The following PALB2 variants were observed in gnomAD, a reference collection of about 807,000 sequenced individuals.
PALB2 encodes mutant partner and localizer of BRCA2.
A neutral mutation model predicts 107.4 loss-of-function variants in PALB2; 82 were observed. The ratio of observed to expected loss-of-function variants is 0.76; its 90% CI spans 0.64 to 0.92. The LOEUF (loss-of-function observed/expected upper bound fraction) is 0.92. Ranked by LOEUF, PALB2 falls within the 40% of genes least tolerant of loss-of-function variation. The pLI is 0.00. For missense variants in PALB2, 1,374 were observed against 1,379.9 expected, an observed-to-expected ratio of 1.00 and a Z score of 0.07; for synonymous variants, 489 against 496.8, an observed-to-expected ratio of 0.98 and a Z score of 0.21.
intron 10 of PALB2, among the ~76,000 whole-genome samples, chr16:23,614,767 C>T (rs1597074053): frequency 6.8e-6 from 1 of 147,634 alleles, no homozygotes; most frequent in Non-Finnish European, 1.5e-5. Context: ...TCTCCTGCCT[C>T]AGCCTCCCGA....
chr16:23,639,887 T>C (rs1967171658), intron 1 of PALB2, among the ~76,000 whole-genome samples: 1 of 151,966 alleles, frequency 6.6e-6, no homozygotes, highest in African/African-American at 2.4e-5. Flanking sequence ...CGTAAGGAAT[T>C]TTCTTTTTTT....
Position 23,630,234 on chromosome 16 carries a change from T to A in PALB2, c.1920A>T (p.Ser640=), listed in dbSNP as rs375575311. The change falls in exon 5 of 13, where the codon TCA becomes TCT. Residue 640 remains serine (S), a synonymous_variant. Transcript: ENST00000261584. Reference sequence around the variant, plus strand: ...TAAGATGTCTCTCTCCAAACATTTTTGACTCAAAGGGCTCCACTGGTTTTT... The same window carrying A: ...TAAGATGTCTCTCTCCAAACATTTTAGACTCAAAGGGCTCCACTGGTTTTT... ...CSEKPVEPFE[S]KMFGERHLKE... is the part of the protein sequence containing the mutation. 8 of 1,614,202 alleles carry A rather than the reference T, an allele frequency of 5.0e-6. No individual in the cohort carries two copies. The highest frequency in any genetic ancestry group is 5.9e-6 in the Non-Finnish European group (7 of 1,180,028).
intron 9 of PALB2, 76 bp downstream of exon 9, chr16:23,622,893 T>C: frequency 6.4e-7 from 1 of 1,558,866 alleles, no homozygotes. Context: ...AGATCCTAGT[T>C]ACCCAACTTT....
chr16:23,622,025 T>C (rs1320742937), intron 9 of PALB2, among the ~76,000 whole-genome samples: 1 of 152,186 alleles, frequency 6.6e-6, no homozygotes, highest in East Asian at 1.9e-4. Context: ...CAAACAATTA[T>C]CATCTCTTGC....
Position 23,641,171 on chromosome 16 carries a change from G to A in PALB2, c.-14C>T, listed in dbSNP as rs1967237740. Reference sequence around the variant, plus strand: ...AGGCTCGTCCATCGGGCAGGCGACAGAACGAAAAGAGCAGCCGTCGCCGAC... The same window carrying A: ...AGGCTCGTCCATCGGGCAGGCGACAAAACGAAAAGAGCAGCCGTCGCCGAC... On this transcript the variant is annotated 5_prime_UTR_variant, in exon 1 of 13. Transcript: ENST00000261584. The A allele has an allele frequency of 1.9e-6, 3 of 1,612,142 alleles. No homozygotes were observed. Among genetic ancestry groups the A allele is most frequent in the African/African-American group, 1.3e-5 (1 of 75,016 alleles).
chr16:23,612,775 C>CG (rs1966610508), intron 11 of PALB2, among the ~76,000 whole-genome samples: 1 of 151,378 alleles, frequency 6.6e-6, no homozygotes, highest in African/African-American at 2.4e-5. Flanking sequence ...TTTTTTGAGA[C>CG]GGAGTCTCGC....
rs765854776 is a variant in PALB2 at position 23,629,919 on chromosome 16, T to C, written c.2235A>G (p.Lys745=). 3 of 1,614,078 alleles carry C rather than the reference T, an allele frequency of 1.9e-6. No homozygotes were observed. Among genetic ancestry groups the C allele is most frequent in the Non-Finnish European group, 2.5e-6 (3 of 1,180,046 alleles). Residue 745 remains lysine, a synonymous_variant, in exon 5 of 13, where the codon AAA becomes AAG. Coordinates refer to ENST00000261584, the MANE Select transcript of PALB2 (RefSeq NM_024675.4). The stretch of plus-strand genomic sequence containing the variant: ...TTCGTCCAGCAACTTCTGTAGATGC[T>C]TTTTCATAGGAGCCTTGAGGGCCAA... The part of the protein sequence containing the change: ...PAFGPQGSYE[K]ASTEVAGRTC...
chr16:23,623,174 C>G, intron 8 of PALB2, 44 bp from the exon 9 acceptor site: 1 of 1,475,422 alleles, frequency 6.8e-7, no homozygotes, highest in Non-Finnish European at 9.4e-7. Flanking sequence ...GAGGAGTAAC[C>G]TTTTAATATT....
rs876658885 is a variant in PALB2 at position 23,629,673 on chromosome 16, T to A, written c.2481A>T (p.Thr827=). The change falls in exon 5 of 13, where the codon ACA becomes ACT. Residue 827 remains threonine (T), a synonymous_variant. Coordinates refer to ENST00000261584, the MANE Select transcript of PALB2 (RefSeq NM_024675.4). ...CGGAATGTTTATGCAGCTCCTGGCA[T>A]GTGTTTCTACAGAGCTGATTTTCTT... The part of the protein sequence containing the change: ...TFKENQLCRN[T]CQELHKHSVE... 2 of 1,614,206 alleles carry A rather than the reference T, an allele frequency of 1.2e-6. No individual in the cohort carries two copies. Among genetic ancestry groups the A allele is most frequent in the Non-Finnish European group, 8.5e-7 (1 of 1,180,034 alleles).
rs180177100 is a variant in PALB2 at position 23,635,306 on chromosome 16, G to C, written c.1240C>G (p.Arg414Gly). The stretch of plus-strand genomic sequence containing the variant: ...TTCCTCTGGCAATTGGACATGCTTC[G>C]TGTTGTTCTAACATAATATTCTGCA... ...FPAEYYVRTT[R>G]SMSNCQRKVA... Residue 414 changes from arginine (R) to glycine (G), a missense_variant, in exon 4 of 13, where the codon CGA becomes GGA. Transcript: ENST00000261584. 6.2e-7 allele frequency: 1 copy of C among 1,614,030 alleles called. No homozygotes were observed.
chr16:23,630,517 C>T (rs1278885504), intron 4 of PALB2, 48 bp from the exon 5 acceptor site: 1 of 1,417,732 alleles, frequency 7.1e-7, no homozygotes, highest in Non-Finnish European at 9.8e-7. Context: ...CCCAACAAAA[C>T]AGACAATCTG....
At chr16:23,625,239 A>C (rs1175008913) in intron 7 of PALB2, among the ~76,000 whole-genome samples, 1 of 152,148 alleles carries the variant, frequency 6.6e-6, no homozygotes, top group Non-Finnish European at 1.5e-5. Context: ...AGGCTGAGGC[A>C]GGAGAATTGC....
At chr16:23,627,522 AAT>A (rs1966847655) in intron 6 of PALB2, among the ~76,000 whole-genome samples, 1 of 151,792 alleles carries the variant, frequency 6.6e-6, no homozygotes, top group African/African-American at 2.4e-5. Context: ...GAAAAATCAT[AAT>A]CACAAAGGCA....
rs764669864 is a variant in PALB2, at chr16:23,621,450, G to A, written c.3025C>T (p.Pro1009Ser). ...GCAAAAGTTAGTATAGTCTCCTCAG[G>A]GGGCATCAAAAATTGGTTTTCTTTG... ...GGKENQFLMP[P>S]EETILTFAEV... The change falls in exon 10 of 13, where the codon CCT becomes TCT. Residue 1009 changes from proline (P) to serine (S), a missense_variant. By Grantham distance (74) the Pro-to-Ser change is moderately conservative (BLOSUM62 -1). Transcript: ENST00000261584. 22 of 1,613,812 alleles carry A rather than the reference G, an allele frequency of 1.4e-5. No individual in the cohort carries two copies. The highest frequency in any genetic ancestry group is 1.7e-5 in the Non-Finnish European group (20 of 1,179,924).
At position 23,626,259 on chromosome 16, in the gene PALB2, G is replaced by C. The variant is rs1060502739; in HGVS notation, c.2725C>G (p.Leu909Val). 2 of 1,614,038 alleles carry C rather than the reference G, an allele frequency of 1.2e-6. No homozygotes were observed. Among genetic ancestry groups the C allele is most frequent in the Non-Finnish European group, 1.7e-6 (2 of 1,180,028 alleles). ...ACCTCTGCGAAGTGCCAGGTATAAA[G>C]TTTTTCCCACTGCCAAGCATCCAGA... Reference protein sequence around the residue: ...KALDAWQWEKLYTWHFAEVPV... With the variant: ...KALDAWQWEKVYTWHFAEVPV... Residue 909 changes from leucine to valine, a missense_variant, in exon 7 of 13, where the codon CTT becomes GTT. Physicochemically the swap from Leu to Val is conservative, Grantham distance 32. Coordinates refer to ENST00000261584, the MANE Select transcript of PALB2 (RefSeq NM_024675.4).
At chr16:23,639,140 G>C (rs1212611256) in intron 1 of PALB2, among the ~76,000 whole-genome samples, 1 of 152,070 alleles carries the variant, frequency 6.6e-6, no homozygotes, top group African/African-American at 2.4e-5. Context: ...GCCAGCCTCG[G>C]TTTTTCTGCT....
rs1966855329 is a variant in PALB2 at position 23,629,635 on chromosome 16, T to C, written c.2514+5A>G. On this transcript the variant is annotated splice_donor_5th_base_variant and intron_variant, in intron 5 of 12. Transcript: ENST00000261584. The stretch of plus-strand genomic sequence containing the variant: ...AGAAAATTTCACAGAGGAAATGGAT[T>C]GTACCTGTTCGACGGAATGTTTATG... The C allele has an allele frequency of 6.2e-7, 1 of 1,613,332 alleles. No homozygotes were observed. The highest frequency in any genetic ancestry group is 8.5e-7 in the Non-Finnish European group (1 of 1,179,444).
At chr16:23,631,720 T>G (rs1475710028) in intron 4 of PALB2, among the ~76,000 whole-genome samples, 1 of 152,198 alleles carries the variant, frequency 6.6e-6, no homozygotes, top group Non-Finnish European at 1.5e-5. Flanking sequence ...TAAAAATACC[T>G]ACATTCTTTC....
chr16:23,603,343 C>G lies in PALB2; in HGVS notation c.*116G>C, dbSNP rs1023893582. On this transcript the variant is annotated 3_prime_UTR_variant, in exon 13 of 13. Coordinates refer to ENST00000261584, the MANE Select transcript of PALB2 (RefSeq NM_024675.4). ...AGAATAAAAAATAAGTCTGTCTGGA[C>G]ATAAACAAGCAATCATTTTAAGTGT... The G allele has an allele frequency of 1.2e-6, 1 of 837,606 alleles. No homozygotes were observed. The highest frequency in any genetic ancestry group is 1.7e-5 in the African/African-American group (1 of 59,422). 51.9% of individuals were successfully genotyped at this position (837,606 alleles called of 1,614,324 possible).
Sources: allele counts gnomAD v4.1 joint callset (sites outside exome capture counted in the v4.1 genomes callset), GRCh38; gene constraint gnomAD v4.1.1; transcripts MANE v1.5; gene names NCBI Gene and HGNC (gene_info 2026-07-23, HGNC 2026-07-21).